The following PRP4K variants were observed in gnomAD, a reference collection of about 807,000 sequenced individuals.
PRP4K encodes the protein serine/threonine-protein kinase PRP4 homolog.
At chr6:4,026,698 C>A in the PRP4K span, among the ~76,000 whole-genome samples, 1 of 152,222 alleles carries the variant, frequency 6.6e-6, no homozygotes, top group East Asian at 1.9e-4. Context: ...GAGCAGTGAA[C>A]TAAAATGAAA....
chr6:4,045,335 CTG>C, the PRP4K span, among the ~76,000 whole-genome samples: 5 of 152,152 alleles, frequency 3.3e-5, no homozygotes, highest in Non-Finnish European at 5.9e-5. Context: ...GGCTCACAGT[CTG>C]TATATAGTTT....
the PRP4K span, among the ~76,000 whole-genome samples, chr6:4,052,480 A>G: frequency 6.6e-6 from 1 of 152,222 alleles, no homozygotes; most frequent in East Asian, 1.9e-4. Flanking sequence ...TTTACCTTGC[A>G]TATCTTTCTT....
the PRP4K span, among the ~76,000 whole-genome samples, chr6:4,051,518 T>C: frequency 6.6e-6 from 1 of 152,066 alleles, no homozygotes; most frequent in Admixed American, 6.6e-5. Context: ...GGTTTCGCTA[T>C]GTTGACCAGG....
At chr6:4,032,811 A>G in the PRP4K span, 80 of 1,429,678 alleles carry the variant, frequency 5.6e-5, 1 homozygote, top group Non-Finnish European at 7.2e-5. Flanking sequence ...TTTTAAACGG[A>G]AAACTAGAAC....
chr6:4,052,270 G>A, the PRP4K span, among the ~76,000 whole-genome samples: 1 of 152,004 alleles, frequency 6.6e-6, no homozygotes, highest in Admixed American at 6.6e-5. Flanking sequence ...TGTTGTTGTT[G>A]TTGTTGTTGA....
chr6:4,035,717 A>G, the PRP4K span, among the ~76,000 whole-genome samples: 1 of 152,108 alleles, frequency 6.6e-6, no homozygotes, highest in Admixed American at 6.5e-5. Context: ...CCTGTGTTCC[A>G]GCACTTTGGG....
chr6:4,030,889 A>G, the PRP4K span, among the ~76,000 whole-genome samples: 1 of 152,180 alleles, frequency 6.6e-6, no homozygotes, highest in Non-Finnish European at 1.5e-5. Flanking sequence ...TGAAGATTCA[A>G]CTTGTGAGGA....
chr6:4,057,307 C>CT, the PRP4K span: 1 of 994,616 alleles, frequency 1.0e-6, no homozygotes, highest in South Asian at 1.5e-5. Context: ...GGGTAGATGG[C>CT]TATCATGATT....
chr6:4,059,357 C>T, the PRP4K span, among the ~76,000 whole-genome samples: 2 of 152,172 alleles, frequency 1.3e-5, no homozygotes, highest in African/African-American at 2.4e-5. Context: ...ATTTCCTGTG[C>T]TGCCTCACCC....
the PRP4K span, chr6:4,042,599 T>C: frequency 1.1e-4 from 171 of 1,549,696 alleles, no homozygotes; most frequent in Middle Eastern, 1.4e-3. Flanking sequence ...ATAACCATTA[T>C]TGTAGTAAAA....
At chr6:4,056,952 C>A in the PRP4K span, 1 of 1,334,428 alleles carries the variant, frequency 7.5e-7, no homozygotes, top group Non-Finnish European at 1.0e-6. Flanking sequence ...GCTAAGGTAG[C>A]CAGCCCCTCA....
At chr6:4,056,810 T>G in the PRP4K span, 1 of 1,267,692 alleles carries the variant, frequency 7.9e-7, no homozygotes, top group Admixed American at 2.7e-5. Context: ...ATATTTTCTT[T>G]TGCCCTTTAA....
At chr6:4,034,148 T>G in the PRP4K span, among the ~76,000 whole-genome samples, 1 of 129,560 alleles carries the variant, frequency 7.7e-6, no homozygotes. Flanking sequence ...ATAACATGAA[T>G]ATAAGGGAAT....
the PRP4K span, among the ~76,000 whole-genome samples, chr6:4,026,894 A>G: frequency 6.6e-6 from 1 of 152,224 alleles, no homozygotes; most frequent in Non-Finnish European, 1.5e-5. Context: ...TAGCAAAGAC[A>G]AGGTAGGCCA....
the PRP4K span, chr6:4,049,897 G>T: frequency 7.4e-6 from 12 of 1,613,378 alleles, no homozygotes; most frequent in African/African-American, 1.2e-4. Flanking sequence ...CAGAAGACGT[G>T]AGGAAACCTT....
At chr6:4,024,436 T>A in the PRP4K span, among the ~76,000 whole-genome samples, 1 of 152,090 alleles carries the variant, frequency 6.6e-6, no homozygotes, top group Non-Finnish European at 1.5e-5. Context: ...TAAAAAAAAA[T>A]TTAAAGAATT....
At chr6:4,064,749 CT>C in the PRP4K span, 1 of 152,512 alleles carries the variant, frequency 6.6e-6, no homozygotes, top group African/African-American at 2.4e-5. Context: ...TCCAGTTATT[CT>C]GATAGATGTC....
At chr6:4,041,408 C>G in the PRP4K span, among the ~76,000 whole-genome samples, 20 of 151,780 alleles carry the variant, frequency 1.3e-4, no homozygotes, top group South Asian at 1.0e-3. Context: ...ACAAAAAATA[C>G]AAAAATTAGC....
chr6:4,027,600 TGG>T, the PRP4K span, among the ~76,000 whole-genome samples: 78 of 25,206 alleles, frequency 3.1e-3, 3 homozygotes, highest in African/African-American at 6.7e-3. Flanking sequence ...GGCGGAGGGG[TGG>T]GGGGGTGGGG....
Sources: gnomAD v4.1 joint callset for allele counts (sites outside exome capture counted in the v4.1 genomes callset) on GRCh38, gnomAD v4.1.1 for gene constraint, MANE v1.5 for transcripts, NCBI Gene and HGNC (gene_info 2026-07-23, HGNC 2026-07-21) for gene names.